CRPPA: variants seen among roughly 807,000 people sequenced by gnomAD.
CRPPA encodes the protein D-ribitol-5-phosphate cytidylyltransferase.
A neutral mutation model predicts 52.0 loss-of-function variants in CRPPA; 43 were observed. That is an observed-to-expected ratio of 0.83 (90% CI 0.65 to 1.07). The LOEUF (loss-of-function observed/expected upper bound fraction) is 1.07, where lower values mean the gene tolerates loss of function less well. Ranked by LOEUF, CRPPA falls within the 50% of genes least tolerant of loss-of-function variation. The pLI is 0.00. For synonymous variants in CRPPA, 250 were observed against 203.5 expected (o/e 1.23, Z -1.94); for missense variants, 629 against 551.7 (o/e 1.14, Z -1.40).
chr7:16,327,576 G>A (rs1161881683), intron 3 of CRPPA, among the ~76,000 whole-genome samples: 4 of 140,724 alleles, frequency 2.8e-5, no homozygotes, highest in African/African-American at 1.1e-4. Context: ...GTCCGGCCTG[G>A]GCGACAGAGC....
At chr7:16,418,254 T>C (rs760983765) in intron 1 of CRPPA, among the ~76,000 whole-genome samples, 1 of 152,214 alleles carries the variant, frequency 6.6e-6, no homozygotes, top group Non-Finnish European at 1.5e-5. Context: ...TCTTCAGACA[T>C]AATAGTGATA....
chr7:16,241,943 ATTC>A (rs1783120109), intron 8 of CRPPA, among the ~76,000 whole-genome samples: 1 of 66,482 alleles, frequency 1.5e-5, no homozygotes, highest in South Asian at 3.6e-4. Context: ...TTAAAAATCT[ATTC>A]TTTTTTTTTT....
chr7:16,164,409 C>A (rs1263749490), intron 9 of CRPPA, among the ~76,000 whole-genome samples: 2 of 152,156 alleles, frequency 1.3e-5, no homozygotes, highest in African/African-American at 4.8e-5. Context: ...AGCAGTTCCT[C>A]TAACCTTTTT....
Position 16,307,111 on chromosome 7 carries a change from G to C in CRPPA, c.789+1412C>G, listed in dbSNP as rs6960182. On this transcript the variant is annotated intron_variant, in intron 4 of 9. Coordinates refer to ENST00000407010, the MANE Select transcript of CRPPA (RefSeq NM_001101426.4). ...GGAAATATGCTTATAGACTCAATTA[G>C]AATGAATCTTTACTAATCAGATTTT... 6.4e-3 allele frequency among the ~76,000 whole-genome samples: 981 copies of C among 152,186 alleles called. 13 individuals are homozygous for C. The highest frequency in any genetic ancestry group is 0.022 in the African/African-American group (902 of 41,528).
intron 2 of CRPPA, among the ~76,000 whole-genome samples, chr7:16,382,987 C>T (rs1361913054): frequency 6.6e-6 from 1 of 152,250 alleles, no homozygotes; most frequent in African/African-American, 2.4e-5. Context: ...CTTCTTCTCT[C>T]AACTCGTCAA....
chr7:16,159,193 G>C (rs1392812018), intron 9 of CRPPA, among the ~76,000 whole-genome samples: 3 of 152,266 alleles, frequency 2.0e-5, no homozygotes, highest in Admixed American at 6.5e-5. Context: ...GAGGTGGGCA[G>C]ATCACCTAAG....
At chr7:16,409,733 G>A (rs537424613) in intron 1 of CRPPA, among the ~76,000 whole-genome samples, 67 of 152,212 alleles carry the variant, frequency 4.4e-4, no homozygotes, top group African/African-American at 1.6e-3. Context: ...AAAAAGATCC[G>A]AATATACAAA....
chr7:16,213,632 C>G (rs1359659547), intron 9 of CRPPA, among the ~76,000 whole-genome samples: 2 of 151,666 alleles, frequency 1.3e-5, no homozygotes, highest in East Asian at 1.9e-4. Context: ...ACCCATAATC[C>G]CAGCTACTTG....
At chr7:16,297,461 T>A (rs1323593897) in intron 5 of CRPPA, among the ~76,000 whole-genome samples, 1 of 152,144 alleles carries the variant, frequency 6.6e-6, no homozygotes, top group East Asian at 1.9e-4. Context: ...GGGCCATAAA[T>A]TCCCTTAGAT....
chr7:16,111,162 C>A (rs565770301), intron 9 of CRPPA, among the ~76,000 whole-genome samples: 1 of 151,868 alleles, frequency 6.6e-6, no homozygotes, highest in Admixed American at 6.6e-5. Flanking sequence ...AAACGGCCAA[C>A]AAGTGTATGA....
intron 9 of CRPPA, among the ~76,000 whole-genome samples, chr7:16,120,229 C>T (rs755569157): frequency 2.1e-4 from 32 of 152,236 alleles, no homozygotes; most frequent in African/African-American, 6.3e-4. Flanking sequence ...CTGTATCATC[C>T]GGTTTTATCA....
At chr7:16,332,111 C>T (rs1049604864) in intron 3 of CRPPA, among the ~76,000 whole-genome samples, 2 of 152,148 alleles carry the variant, frequency 1.3e-5, no homozygotes, top group Non-Finnish European at 2.9e-5. Context: ...AGGATAATTA[C>T]ATCTGTCTTC....
Position 16,248,987 on chromosome 7 carries a change from G to A in CRPPA, c.1119+9403C>T, listed in dbSNP as rs928397133. On this transcript the variant is annotated intron_variant, in intron 8 of 9. Transcript: ENST00000407010. ...GATCTATTGGCTTGAAATTCTCGCT[G>A]CTAGTACAGCAGTCTGAGATCGACC... is the stretch of plus-strand genomic sequence containing the variant. 3.3e-5 allele frequency among the ~76,000 whole-genome samples: 5 copies of A among 152,306 alleles called. No homozygotes were observed. The South Asian group carries it at 8.3e-4, about 25-fold the overall frequency.
At chr7:16,346,809 C>T (rs1786025214) in intron 3 of CRPPA, among the ~76,000 whole-genome samples, 1 of 152,004 alleles carries the variant, frequency 6.6e-6, no homozygotes, top group African/African-American at 2.4e-5. Context: ...GAATTAATCT[C>T]TTGCACCTCC....
chr7:16,343,273 A>C (rs909301141), intron 3 of CRPPA, among the ~76,000 whole-genome samples: 1 of 152,140 alleles, frequency 6.6e-6, no homozygotes, highest in Admixed American at 6.6e-5. Flanking sequence ...CAGGTATAAA[A>C]CACTGAATCC....
chr7:16,143,958 G>A (rs1387481348), intron 9 of CRPPA, among the ~76,000 whole-genome samples: 7 of 152,168 alleles, frequency 4.6e-5, no homozygotes, highest in African/African-American at 1.7e-4. Context: ...GGGGGAACAG[G>A]AGGTCCTCAC....
intron 3 of CRPPA, among the ~76,000 whole-genome samples, chr7:16,358,225 G>T (rs1208689495): frequency 6.6e-6 from 1 of 151,992 alleles, no homozygotes. Context: ...GAGCCAGCAG[G>T]GATGGAAACA....
At chr7:16,365,589 T>C (rs993600153) in intron 3 of CRPPA, among the ~76,000 whole-genome samples, 3 of 152,184 alleles carry the variant, frequency 2.0e-5, no homozygotes, top group Non-Finnish European at 4.4e-5. Flanking sequence ...AAATGGATGA[T>C]TTTATAAATG....
chr7:16,290,697 A>G (rs747255544), intron 5 of CRPPA, among the ~76,000 whole-genome samples: 1 of 152,128 alleles, frequency 6.6e-6, no homozygotes, highest in Non-Finnish European at 1.5e-5. Context: ...AATAACTGGA[A>G]GAAAGCAGAG....
Sources: allele counts gnomAD v4.1 joint callset (sites outside exome capture counted in the v4.1 genomes callset), GRCh38; gene constraint gnomAD v4.1.1; transcripts MANE v1.5; gene names NCBI Gene and HGNC (gene_info 2026-07-23, HGNC 2026-07-21).